Variants in LCLAT1 observed in about 807,000 individuals in gnomAD.
The protein encoded by LCLAT1 is lysocardiolipin acyltransferase 1.
In LCLAT1, 11 loss-of-function variants were observed where a neutral mutation model predicts 30.7. The ratio of observed to expected loss-of-function variants is 0.36; its 90% CI spans 0.23 to 0.59. The LOEUF (loss-of-function observed/expected upper bound fraction) is 0.59. LCLAT1 is among the 20% of genes least tolerant of loss of function. The probability of loss-of-function intolerance (pLI) is 0.77; values close to 1 mark genes in which losing one functional copy is unlikely to be tolerated. For synonymous variants in LCLAT1, 155 were observed against 151.3 expected (o/e 1.02, Z -0.18); for missense variants, 402 against 458.6 (o/e 0.88, Z 1.13).
intron 1 of LCLAT1, among the ~76,000 whole-genome samples, chr2:30,517,474 T>C (rs1316522773): frequency 1.3e-5 from 2 of 152,178 alleles, no homozygotes; most frequent in Non-Finnish European, 2.9e-5. Context: ...CTACCCAGCT[T>C]ACCCCCACCT....
intron 1 of LCLAT1, among the ~76,000 whole-genome samples, chr2:30,485,774 G>C (rs1323598749): frequency 6.6e-6 from 1 of 152,116 alleles, no homozygotes; most frequent in African/African-American, 2.4e-5. Flanking sequence ...GTTCCTTTAG[G>C]AATGGAACTT....
At chr2:30,459,694 TTCATAAA>T (rs761325751) in intron 1 of LCLAT1, 26 of 1,613,858 alleles carry the variant, frequency 1.6e-5, no homozygotes, top group Non-Finnish European at 9.3e-6. Flanking sequence ...CTGCACGTAC[TTCATAAA>T]GCAGGACTCT....
intron 1 of LCLAT1, among the ~76,000 whole-genome samples, chr2:30,504,918 CT>C (rs1163176484): frequency 6.6e-6 from 1 of 152,090 alleles, no homozygotes; most frequent in Non-Finnish European, 1.5e-5. Context: ...GGCATTAAGC[CT>C]TTTGGGGGAG....
At chr2:30,496,598 G>A (rs1485417140) in intron 1 of LCLAT1, among the ~76,000 whole-genome samples, 2 of 152,148 alleles carry the variant, frequency 1.3e-5, no homozygotes, top group African/African-American at 4.8e-5. Flanking sequence ...TTGCCAGAAA[G>A]GTCAAATGAG....
chr2:30,611,756 A>G (rs1346708053), intron 5 of LCLAT1, among the ~76,000 whole-genome samples: 1 of 152,196 alleles, frequency 6.6e-6, no homozygotes, highest in Non-Finnish European at 1.5e-5. Context: ...AGCTGAGGGA[A>G]GTGGTTCATG....
At chr2:30,536,409 A>G (rs750058762) in intron 3 of LCLAT1, among the ~76,000 whole-genome samples, 2 of 152,242 alleles carry the variant, frequency 1.3e-5, no homozygotes, top group African/African-American at 2.4e-5. Flanking sequence ...AATCACATAA[A>G]AGGGAATCCC....
intron 5 of LCLAT1, among the ~76,000 whole-genome samples, chr2:30,630,484 T>G (rs2148527288): frequency 6.6e-6 from 1 of 152,388 alleles, no homozygotes; most frequent in Middle Eastern, 3.4e-3. Flanking sequence ...TAGACTTAAC[T>G]TGCATTTTCT....
chr2:30,598,820 G>C (rs531009958), intron 5 of LCLAT1, among the ~76,000 whole-genome samples: 1 of 152,116 alleles, frequency 6.6e-6, no homozygotes, highest in South Asian at 2.1e-4. Flanking sequence ...CACTGCTTTA[G>C]CTGTGTTCGA....
chr2:30,516,915 C>T (rs1685211679), intron 1 of LCLAT1, among the ~76,000 whole-genome samples: 1 of 152,170 alleles, frequency 6.6e-6, no homozygotes, highest in Admixed American at 6.5e-5. Flanking sequence ...GAGTTGGGAG[C>T]ATTGGTCTGC....
At chr2:30,615,982 G>A (rs1262074948) in intron 5 of LCLAT1, among the ~76,000 whole-genome samples, 3 of 152,180 alleles carry the variant, frequency 2.0e-5, no homozygotes, top group Non-Finnish European at 4.4e-5. Flanking sequence ...GAAATGGGTA[G>A]AGGGCACTAG....
intron 3 of LCLAT1, among the ~76,000 whole-genome samples, chr2:30,545,009 A>G (rs915886994): frequency 6.6e-6 from 1 of 152,028 alleles, no homozygotes; most frequent in African/African-American, 2.4e-5. Flanking sequence ...TATCTTACCC[A>G]TTGTAGGCTC....
At chr2:30,634,144 G>C (rs1353873380) in intron 5 of LCLAT1, among the ~76,000 whole-genome samples, 1 of 152,206 alleles carries the variant, frequency 6.6e-6, no homozygotes, top group Non-Finnish European at 1.5e-5. Flanking sequence ...TATTAAGCAA[G>C]TGCTTCATTC....
intron 5 of LCLAT1, among the ~76,000 whole-genome samples, chr2:30,593,425 C>CA (rs1666783101): frequency 6.6e-6 from 1 of 152,166 alleles, no homozygotes; most frequent in Non-Finnish European, 1.5e-5. Flanking sequence ...GTTTTTCTAG[C>CA]AGTACCATGT....
intron 3 of LCLAT1, among the ~76,000 whole-genome samples, chr2:30,538,461 A>G (rs983739952): frequency 2.6e-5 from 4 of 151,794 alleles, no homozygotes; most frequent in African/African-American, 9.7e-5. Context: ...GGCCAACATG[A>G]TGAAACCCCA....
intron 5 of LCLAT1, among the ~76,000 whole-genome samples, chr2:30,578,295 G>A (rs1666076062): frequency 6.6e-6 from 1 of 152,060 alleles, no homozygotes; most frequent in Non-Finnish European, 1.5e-5. Flanking sequence ...GATCTTCCTT[G>A]TTTTGTCATA....
chr2:30,461,932 G>A (rs576633631), intron 1 of LCLAT1, among the ~76,000 whole-genome samples: 173 of 151,236 alleles, frequency 1.1e-3, no homozygotes, highest in Middle Eastern at 3.4e-3. Flanking sequence ...CACCACGCCC[G>A]GCTAATTTTT....
At chr2:30,542,217 C>T (rs930102491) in intron 3 of LCLAT1, among the ~76,000 whole-genome samples, 4 of 152,132 alleles carry the variant, frequency 2.6e-5, no homozygotes, top group African/African-American at 9.7e-5. Flanking sequence ...ACTTTATCTT[C>T]ATGAGGTCTT....
At chr2:30,474,979 A>G (rs1186520102) in intron 1 of LCLAT1, among the ~76,000 whole-genome samples, 1 of 151,478 alleles carries the variant, frequency 6.6e-6, no homozygotes, top group Non-Finnish European at 1.5e-5. Context: ...ACACAGATCC[A>G]GGTTCAGATT....
At chr2:30,487,805 A>C (rs1361106159) in intron 1 of LCLAT1, among the ~76,000 whole-genome samples, 1 of 152,008 alleles carries the variant, frequency 6.6e-6, no homozygotes, top group Admixed American at 6.5e-5. Flanking sequence ...GAAGTGTGTT[A>C]CCTGATGCTG....
Sources: gnomAD v4.1 joint callset for allele counts (sites outside exome capture counted in the v4.1 genomes callset) on GRCh38, gnomAD v4.1.1 for gene constraint, MANE v1.5 for transcripts, NCBI Gene and HGNC (gene_info 2026-07-23, HGNC 2026-07-21) for gene names.